Variants in RAB11FIP1 observed in about 807,000 individuals in gnomAD.
RAB11FIP1 encodes the protein RAB11 family interacting protein 1.
RAB11FIP1 carries 49 observed loss-of-function variants against 83.1 expected under a neutral mutation model. That is an observed-to-expected ratio of 0.59 (90% CI 0.47 to 0.75). RAB11FIP1 has a LOEUF of 0.75. RAB11FIP1 is among the 30% of genes least tolerant of loss of function. The pLI is 0.00. For missense variants in RAB11FIP1, 1,536 were observed against 1,598.7 expected (o/e 0.96, Z 0.67); for synonymous variants, 670 against 656.0 (o/e 1.02, Z -0.33).
At chr8:37,865,662 T>C (rs1030623121) in intron 5 of RAB11FIP1, among the ~76,000 whole-genome samples, 1 of 152,218 alleles carries the variant, frequency 6.6e-6, no homozygotes, top group African/African-American at 2.4e-5. Flanking sequence ...GTCAGCCTCA[T>C]ACAAAATAAT....
intron 5 of RAB11FIP1, among the ~76,000 whole-genome samples, chr8:37,866,151 T>C (rs1018831074): frequency 5.9e-5 from 9 of 151,948 alleles, no homozygotes; most frequent in African/African-American, 2.2e-4. Context: ...CTGGCCAACA[T>C]GGTGAAACCT....
intron 1 of RAB11FIP1, among the ~76,000 whole-genome samples, chr8:37,881,008 C>T (rs955498323): frequency 4.6e-5 from 7 of 152,292 alleles, no homozygotes; most frequent in Admixed American, 2.6e-4. Context: ...TGGCTGGTGG[C>T]TCGCTCACAG....
At chr8:37,897,673 GAGA>G (rs1303619414) in intron 1 of RAB11FIP1, among the ~76,000 whole-genome samples, 5 of 152,130 alleles carry the variant, frequency 3.3e-5, no homozygotes, top group South Asian at 4.2e-4. Context: ...TAGGACCAGA[GAGA>G]AGAACTCTAC....
intron 2 of RAB11FIP1, among the ~76,000 whole-genome samples, chr8:37,876,212 A>T (rs1327349181): frequency 7.1e-6 from 1 of 141,500 alleles, no homozygotes; most frequent in Non-Finnish European, 1.5e-5. Flanking sequence ...AAGAAAAGAA[A>T]GAAAGGAAGG....
chr8:37,874,675 C>T lies in RAB11FIP1; in HGVS notation c.1462G>A (p.Glu488Lys), dbSNP rs1200776245. Residue 488 changes from glutamate to lysine, a missense_variant, in exon 3 of 6, where the codon GAG becomes AAG. Coordinates refer to ENST00000330843, the MANE Select transcript of RAB11FIP1 (RefSeq NM_001002814.3). ...GAGACAACAGCTGCAGTATCTTTCT[C>T]AGATCTTCTCACAAGGTCTTCAGCA... is the stretch of plus-strand genomic sequence containing the variant. The part of the protein sequence containing the change: ...GPAEDLVRRS[E>K]KDTAAVVSRQ... 1.2e-6 allele frequency: 2 copies of T among 1,614,224 alleles called. No homozygotes were observed. The highest frequency in any genetic ancestry group is 1.7e-6 in the Non-Finnish European group (2 of 1,180,038).
intron 5 of RAB11FIP1, among the ~76,000 whole-genome samples, chr8:37,868,976 C>T (rs1168024593): frequency 6.6e-6 from 1 of 152,060 alleles, no homozygotes; most frequent in Non-Finnish European, 1.5e-5. Flanking sequence ...CACCTGTATC[C>T]CAGCACTTTG....
intron 1 of RAB11FIP1, among the ~76,000 whole-genome samples, chr8:37,887,517 T>C (rs1156870557): frequency 1.4e-5 from 2 of 140,488 alleles, no homozygotes; most frequent in Non-Finnish European, 3.0e-5. Flanking sequence ...GGTGGCAGAG[T>C]GAGACGCCAT....
intron 1 of RAB11FIP1, among the ~76,000 whole-genome samples, chr8:37,894,407 G>A (rs1359196196): frequency 1.3e-5 from 2 of 151,890 alleles, no homozygotes; most frequent in Non-Finnish European, 2.9e-5. Context: ...TAAACTTGCA[G>A]TTCTTCCAAG....
rs116364682 is a variant in RAB11FIP1, at chr8:37,864,802, C to G, written c.3634-1689G>C. 2.9e-3 allele frequency among the ~76,000 whole-genome samples: 443 copies of G among 152,352 alleles called. 1 individual carries two copies. The highest frequency in any genetic ancestry group is 0.01 in the African/African-American group (429 of 41,588). On this transcript the variant is annotated intron_variant, in intron 5 of 5. Coordinates refer to ENST00000330843, the MANE Select transcript of RAB11FIP1 (RefSeq NM_001002814.3). ...TTTTAAAACTTTGAAGGCATGCATTCACGATGCACCTCCTCTGGACCTCAG... is the reference window on the plus strand; with the variant it reads ...TTTTAAAACTTTGAAGGCATGCATTGACGATGCACCTCCTCTGGACCTCAG...
At chr8:37,884,869 G>C (rs952050881) in intron 1 of RAB11FIP1, among the ~76,000 whole-genome samples, 1 of 151,882 alleles carries the variant, frequency 6.6e-6, no homozygotes, top group African/African-American at 2.4e-5. Context: ...TTGTTTTAGA[G>C]ATAGGGTCTT....
intron 1 of RAB11FIP1, among the ~76,000 whole-genome samples, chr8:37,896,203 G>A (rs1039830965): frequency 1.3e-4 from 20 of 151,802 alleles, no homozygotes; most frequent in African/African-American, 3.9e-4. Flanking sequence ...CCAGCTACTC[G>A]GGAAGCTGAG....
chr8:37,871,949 G>T lies in RAB11FIP1; in HGVS notation c.2853C>A (p.Ile951=). ...GAAGGCTTAAGTTCAGATCGGCCAT[G>T]ATTGGAGATTTAAAATCTGAGACCA... ...LQLVSDFKSP[I]MADLNLSLPS... is the part of the protein sequence containing the mutation. Residue 951 remains isoleucine (I), a synonymous_variant, in exon 4 of 6, where the codon ATC becomes ATA. Transcript: ENST00000330843. 1.2e-6 allele frequency: 2 copies of T among 1,614,202 alleles called. No homozygotes were observed. Among genetic ancestry groups the T allele is most frequent in the South Asian group, 1.1e-5 (1 of 91,088 alleles).
rs528148278 is a variant in RAB11FIP1, at chr8:37,863,933, C to T, written c.3634-820G>A. 9.5e-4 allele frequency among the ~76,000 whole-genome samples: 145 copies of T among 152,318 alleles called. 1 individual carries two copies. The highest frequency in any genetic ancestry group is 6.8e-3 in the Middle Eastern group (2 of 294). On this transcript the variant is annotated intron_variant, in intron 5 of 5. Transcript: ENST00000330843. ...GGGGCCCAGGAAGACACAGCTGTGACAGCAAGTGCAGGGAGCAAGGGCTTT... is the reference window on the plus strand; with the variant it reads ...GGGGCCCAGGAAGACACAGCTGTGATAGCAAGTGCAGGGAGCAAGGGCTTT...
chr8:37,887,225 G>T (rs1806850568), intron 1 of RAB11FIP1, among the ~76,000 whole-genome samples: 1 of 152,208 alleles, frequency 6.6e-6, no homozygotes, highest in Admixed American at 6.5e-5. Context: ...CCACCAAACT[G>T]AATTCTAAGA....
intron 1 of RAB11FIP1, among the ~76,000 whole-genome samples, chr8:37,878,533 C>CA (rs918942295): frequency 0.036 from 844 of 23,158 alleles, 9 homozygotes; most frequent in Non-Finnish European, 0.052. Context: ...GACTCCATCT[C>CA]AAAAAAAAAA....
At chr8:37,884,377 A>G (rs1806785913) in intron 1 of RAB11FIP1, among the ~76,000 whole-genome samples, 1 of 151,866 alleles carries the variant, frequency 6.6e-6, no homozygotes, top group Admixed American at 6.6e-5. Flanking sequence ...TAAAATTTCT[A>G]TAAACTATAT....
At chr8:37,886,752 A>C (rs1806844218) in intron 1 of RAB11FIP1, among the ~76,000 whole-genome samples, 1 of 152,234 alleles carries the variant, frequency 6.6e-6, no homozygotes, top group South Asian at 2.1e-4. Context: ...TTCTTAGATG[A>C]AGAAATTTTA....
At chr8:37,895,251 ATATATATATTTTTTTTTTTT>A (rs1379517770) in intron 1 of RAB11FIP1, among the ~76,000 whole-genome samples, 2 of 12,664 alleles carry the variant, frequency 1.6e-4, no homozygotes, top group African/African-American at 8.0e-4. Context: ...ATATATATAT[ATATATATATTTTTTTTTTTT>A]TTTTTTTTTT....
chr8:37,884,463 C>T (rs1367771830), intron 1 of RAB11FIP1, among the ~76,000 whole-genome samples: 1 of 152,108 alleles, frequency 6.6e-6, no homozygotes, highest in African/African-American at 2.4e-5. Context: ...TCATAGCTCA[C>T]AGCAGCTTCA....
Sources: gnomAD v4.1 joint callset for allele counts (sites outside exome capture counted in the v4.1 genomes callset) on GRCh38, gnomAD v4.1.1 for gene constraint, MANE v1.5 for transcripts, NCBI Gene and HGNC (gene_info 2026-07-23, HGNC 2026-07-21) for gene names.